The following PLAC1 variants were observed in gnomAD, a reference collection of about 807,000 sequenced individuals.
PLAC1 encodes placenta-specific protein 1.
For missense variants in PLAC1, 136 were observed against 163.2 expected (o/e 0.83, Z 0.91); for synonymous variants, 68 against 62.1 (o/e 1.09, Z -0.44).
intron 2 of PLAC1, among the ~76,000 whole-genome samples, chrX:134,681,731 C>G (rs181731944): frequency 1.0e-3 from 111 of 110,832 alleles, no homozygotes; most frequent in African/African-American, 3.6e-3. Context: ...CACTATCTGG[C>G]ACATAGTAGA....
At chrX:134,742,288 G>A (rs1458622395) in intron 1 of PLAC1, among the ~76,000 whole-genome samples, 3 of 113,152 alleles carry the variant, frequency 2.7e-5, no homozygotes, top group Non-Finnish European at 5.6e-5. Context: ...GGAGTACGAA[G>A]TAAGGAAGAC....
intron 2 of PLAC1, among the ~76,000 whole-genome samples, chrX:134,707,624 A>G (rs892333513): frequency 6.2e-5 from 7 of 112,292 alleles, no homozygotes; most frequent in African/African-American, 2.3e-4. Context: ...CATTTAAAGA[A>G]TGGCTGAAGG....
intron 1 of PLAC1, among the ~76,000 whole-genome samples, chrX:134,644,779 A>T (rs1385709256): frequency 9.1e-6 from 1 of 109,847 alleles, no homozygotes. Context: ...CCAATTACCT[A>T]CTCTATCTGG....
intron 2 of PLAC1, among the ~76,000 whole-genome samples, chrX:134,572,450 G>A (rs1161530459): frequency 8.9e-6 from 1 of 111,819 alleles, no homozygotes; most frequent in Non-Finnish European, 1.9e-5. Context: ...CGCTGAGACC[G>A]GTTTAGTTTT....
chrX:134,641,950 T>C (rs753927570), intron 1 of PLAC1, among the ~76,000 whole-genome samples: 22 of 111,883 alleles, frequency 2.0e-4, no homozygotes, highest in South Asian at 3.8e-4. Context: ...GGGAAAGGTG[T>C]TTCAGATGAG....
chrX:134,695,119 C>T (rs188769577), intron 2 of PLAC1, among the ~76,000 whole-genome samples: 30 of 111,460 alleles, frequency 2.7e-4, no homozygotes, highest in Non-Finnish European at 4.7e-4. Flanking sequence ...GGAGTCAGGC[C>T]CAGGAAAAGT....
In PLAC1 at chrX:134,685,367, ACAC is replaced by A. The variant is rs1262151451; in HGVS notation, n.174+48065_174+48067del. 6.7e-3 allele frequency among the ~76,000 whole-genome samples: 728 copies of A among 109,159 alleles called. 5 individuals carry two copies. Among genetic ancestry groups the A allele is most frequent in the Non-Finnish European group, 9.9e-3 (518 of 52,547 alleles). 94.8% of individuals were successfully genotyped at this position (109,159 alleles called of 115,157 possible). ...TAGGTTAGCTCCAAAAATAGTGCCC[ACAC>A]TGGGTCACAGTCTGTTGAATAAGGG... On this transcript the variant is annotated intron_variant and non_coding_transcript_variant, in intron 2 of 2. Transcript: ENST00000466797.
chrX:134,646,160 G>T (rs2078332348), intron 1 of PLAC1, among the ~76,000 whole-genome samples: 1 of 112,029 alleles, frequency 8.9e-6, no homozygotes, highest in Admixed American at 9.5e-5. Flanking sequence ...TGCTTCTTGA[G>T]CCTGGAGTGG....
intron 2 of PLAC1, among the ~76,000 whole-genome samples, chrX:134,571,031 A>G (rs1365302422): frequency 8.9e-6 from 1 of 112,234 alleles, no homozygotes; most frequent in African/African-American, 3.2e-5. Flanking sequence ...TCAGTCACTG[A>G]CAGTGATACA....
chrX:134,650,554 C>T (rs1055352907), intron 1 of PLAC1, among the ~76,000 whole-genome samples: 4 of 111,643 alleles, frequency 3.6e-5, no homozygotes, highest in African/African-American at 1.3e-4. Context: ...ATAGGCAGAA[C>T]AAGTTCCATA....
At chrX:134,586,164 G>T (rs1357974286) in intron 2 of PLAC1, among the ~76,000 whole-genome samples, 1 of 111,505 alleles carries the variant, frequency 9.0e-6, no homozygotes, top group Non-Finnish European at 1.9e-5. Flanking sequence ...GTAAATAATT[G>T]TTGGGTCCAA....
intron 1 of PLAC1, among the ~76,000 whole-genome samples, chrX:134,611,747 G>A (rs892959498): frequency 9.1e-6 from 1 of 110,416 alleles, no homozygotes; most frequent in African/African-American, 3.3e-5. Context: ...CAGAAATAAC[G>A]AGTTAAAAAC....
Position 134,566,410 on chromosome X carries a change from C to T in PLAC1, c.273G>A (p.Met91Ile). ...GIRAKAVSQDMVIYSTEIHYS... is the reference protein window; with the variant it reads ...GIRAKAVSQDIVIYSTEIHYS... Reference sequence around the variant, plus strand: ...AGTGTATCTCAGTGCTGTAGATAACCATGTCCTGAGAGACAGCTTTGGCCC... The same window carrying T: ...AGTGTATCTCAGTGCTGTAGATAACTATGTCCTGAGAGACAGCTTTGGCCC... The change falls in exon 3 of 3, where the codon ATG (methionine) becomes ATA (isoleucine). Residue 91 changes from methionine to isoleucine, a missense_variant. Met to Ile is a conservative substitution (Grantham distance 10). Coordinates refer to ENST00000359237, the MANE Select transcript of PLAC1 (RefSeq NM_021796.4). 2 of 1,211,712 alleles carry T rather than the reference C, an allele frequency of 1.7e-6. No individual in the cohort carries two copies.
chrX:134,712,864 T>C (rs1286400208), intron 2 of PLAC1, among the ~76,000 whole-genome samples: 1 of 111,776 alleles, frequency 8.9e-6, no homozygotes, highest in Non-Finnish European at 1.9e-5. Context: ...TCCGCAGCTA[T>C]TAATTGGACC....
At chrX:134,734,094 G>T (rs2078696516) in intron 1 of PLAC1, among the ~76,000 whole-genome samples, 1 of 112,239 alleles carries the variant, frequency 8.9e-6, no homozygotes, top group Non-Finnish European at 1.9e-5. Context: ...AAAACAAGGA[G>T]GTCTGTGCCT....
chrX:134,713,066 T>C (rs751853972), intron 2 of PLAC1, among the ~76,000 whole-genome samples: 1 of 112,213 alleles, frequency 8.9e-6, no homozygotes, highest in Non-Finnish European at 1.9e-5. Flanking sequence ...ACATCAACTG[T>C]GGTTGACAAT....
At chrX:134,587,415 A>G (rs1016869168) in intron 2 of PLAC1, among the ~76,000 whole-genome samples, 3 of 110,298 alleles carry the variant, frequency 2.7e-5, no homozygotes, top group Non-Finnish European at 5.7e-5. Flanking sequence ...AAATAAATAA[A>G]TAAATAAATT....
intron 2 of PLAC1, among the ~76,000 whole-genome samples, chrX:134,590,532 G>T (rs1218729669): frequency 5.3e-5 from 6 of 112,292 alleles, no homozygotes; most frequent in African/African-American, 1.3e-4. Flanking sequence ...TGATACAAGG[G>T]TTATATGCAA....
At chrX:134,702,624 G>T (rs1394465418) in intron 2 of PLAC1, among the ~76,000 whole-genome samples, 1 of 111,631 alleles carries the variant, frequency 9.0e-6, no homozygotes, top group African/African-American at 3.3e-5. Flanking sequence ...GGGGGGCAAG[G>T]GTTGAAAAAT....
Sources: gnomAD v4.1 joint callset for allele counts (sites outside exome capture counted in the v4.1 genomes callset) on GRCh38, gnomAD v4.1.1 for gene constraint, MANE v1.5 for transcripts, NCBI Gene and HGNC (gene_info 2026-07-23, HGNC 2026-07-21) for gene names.